Variants in ZNF317 observed in about 807,000 individuals in gnomAD.
ZNF317 encodes KRAB-containing zinc finger protein 317.
ZNF317 carries 17 observed loss-of-function variants against 23.4 expected under a neutral mutation model. The ratio of observed to expected loss-of-function variants is 0.73; its 90% confidence interval spans 0.50 to 1.09. ZNF317 has a LOEUF of 1.09. Among genes scored for constraint, ZNF317 ranks in the 50% least tolerant of loss-of-function variants. The pLI, the probability that ZNF317 is intolerant of heterozygous loss-of-function variation, is 0.00. For synonymous variants in ZNF317, 317 were observed against 314.9 expected, an observed-to-expected ratio of 1.01 and a Z score of -0.07; for missense variants, 679 against 796.7, an observed-to-expected ratio of 0.85 and a Z score of 1.78.
At position 9,156,754 on chromosome 19, in the gene ZNF317, C is replaced by G; in HGVS notation, c.162+6C>G. The stretch of plus-strand genomic sequence containing the variant: ...CACCCAGTGTTGGTTCCCAGGTGCA[C>G]TAAGATCTCTGGGTCCCTAGAGCAG... On this transcript the variant is annotated splice_donor_region_variant and intron_variant, in intron 3 of 6. Transcript: ENST00000247956. The G allele has an allele frequency of 1.9e-6, 3 of 1,613,090 alleles. No individual in the cohort carries two copies. The highest frequency in any genetic ancestry group is 2.5e-6 in the Non-Finnish European group (3 of 1,179,534).
In ZNF317 at chr19:9,161,304, C is replaced by T. The variant is rs144175390; in HGVS notation, c.1659C>T (p.Thr553=). Residue 553 remains threonine, a synonymous_variant, in exon 7 of 7, where the codon ACC becomes ACT. Coordinates refer to ENST00000247956, the MANE Select transcript of ZNF317 (RefSeq NM_020933.5). The surrounding 1 kb of genome is among the most constrained non-coding windows in gnomAD (Gnocchi z 4.0). ...SNLNVHRRIH[T]GEKPYECLVC... ...TGAATGTGCACAGGCGGATCCACAC[C>T]GGGGAGAAGCCCTACGAATGCCTTG... The T allele has an allele frequency of 6.9e-5, 112 of 1,613,266 alleles. 1 individual carries two copies. Among genetic ancestry groups the T allele is most frequent in the African/African-American group, 5.3e-4 (40 of 74,868 alleles).
chr19:9,159,545 G>GTTTT (rs374750547), intron 6 of ZNF317, among the ~76,000 whole-genome samples: 1 of 146,826 alleles, frequency 6.8e-6, no homozygotes, highest in African/African-American at 2.5e-5. Context: ...TGTTGTTTTT[G>GTTTT]TTTTTTGTTT....
At chr19:9,153,515 G>A (rs2050755116) in intron 1 of ZNF317, among the ~76,000 whole-genome samples, 1 of 152,158 alleles carries the variant, frequency 6.6e-6, no homozygotes, top group African/African-American at 2.4e-5. Context: ...TAGGCAAAGG[G>A]AATAAGATCT....
Position 9,160,101 on chromosome 19 carries a change from T to C in ZNF317, c.469-13T>C. The C allele has an allele frequency of 6.2e-7, 1 of 1,613,482 alleles. No individual in the cohort carries two copies. Among genetic ancestry groups the C allele is most frequent in the Admixed American group, 1.7e-5 (1 of 60,016 alleles). On this transcript the variant is annotated splice_polypyrimidine_tract_variant and intron_variant, in intron 6 of 6. Coordinates refer to ENST00000247956, the MANE Select transcript of ZNF317 (RefSeq NM_020933.5). This position sits in a 1 kb window ranked among gnomAD's most constrained non-coding sequence, Gnocchi z 6.8. ...AGAATTGCCTTTGTCAGCACTTACG[T>C]CTTAACCAACAGGAAAGAGCCGGTC... is the stretch of plus-strand genomic sequence containing the variant.
At chr19:9,149,522 T>C (rs2050718035) in intron 1 of ZNF317, among the ~76,000 whole-genome samples, 1 of 151,520 alleles carries the variant, frequency 6.6e-6, no homozygotes, top group Admixed American at 6.6e-5. Flanking sequence ...ACAGGTAAAG[T>C]TGAATAAAGA....
chr19:9,155,820 T>C, intron 1 of ZNF317, 105 bp from the exon 2 acceptor site: 1 of 633,600 alleles, frequency 1.6e-6, no homozygotes, highest in South Asian at 1.8e-5. Flanking sequence ...CAGATCTTGC[T>C]GCTCAAAAGA....
At chr19:9,144,909 A>C (rs1442944448) in intron 1 of ZNF317, among the ~76,000 whole-genome samples, 1 of 152,076 alleles carries the variant, frequency 6.6e-6, no homozygotes, top group Non-Finnish European at 1.5e-5. Context: ...TTTGGTGCTC[A>C]GAAAACACCT....
rs2145960942 is a variant in ZNF317 at position 9,160,020 on chromosome 19, T to G, written c.469-94T>G. 4 of 1,543,792 alleles carry G rather than the reference T, an allele frequency of 2.6e-6. No individual in the cohort carries two copies. The South Asian group carries it at 4.9e-5, about 19-fold the overall frequency. On this transcript the variant is annotated intron_variant, in intron 6 of 6. Coordinates refer to ENST00000247956, the MANE Select transcript of ZNF317 (RefSeq NM_020933.5). This position sits in a 1 kb window ranked among gnomAD's most constrained non-coding sequence, Gnocchi z 6.8. ...ACAGCTCTAGTCATAGTAATGTGCT[T>G]CTATCTGTTCATAGCAGTGTATGTG...
chr19:9,157,071 C>A, intron 3 of ZNF317, 197 bp from the exon 4 acceptor site: 1 of 680,252 alleles, frequency 1.5e-6, no homozygotes, highest in Non-Finnish European at 2.4e-6. Context: ...TCTGAAGTGA[C>A]GGCACAGGAC....
chr19:9,157,771 G>T, intron 4 of ZNF317: 1 of 1,314,142 alleles, frequency 7.6e-7, no homozygotes, highest in Non-Finnish European at 9.7e-7. Flanking sequence ...ACAGGCACGA[G>T]CCACCATGCT....
Position 9,160,258 on chromosome 19 carries a change from G to T in ZNF317, c.613G>T (p.Gly205Cys). ...CCGCGACTATGGGGTAGCGTTCAAG[G>T]GCAGGCCGCACCTCACTCAGCACAT... is the stretch of plus-strand genomic sequence containing the variant. ...HRRDYGVAFK[G>C]RPHLTQHMSM... The change falls in exon 7 of 7, where the codon GGC (glycine) becomes TGC (cysteine). Residue 205 changes from glycine to cysteine, a missense_variant. By Grantham distance (159) the Gly-to-Cys change is radical. Transcript: ENST00000247956. This position sits in a 1 kb window ranked among gnomAD's most constrained non-coding sequence, Gnocchi z 6.8. 1.2e-6 allele frequency: 2 copies of T among 1,614,144 alleles called. No individual in the cohort carries two copies. Among genetic ancestry groups the T allele is most frequent in the Non-Finnish European group, 1.7e-6 (2 of 1,180,028 alleles).
At chr19:9,141,338 G>A (rs548381883) in intron 1 of ZNF317, among the ~76,000 whole-genome samples, 1 of 152,192 alleles carries the variant, frequency 6.6e-6, no homozygotes, top group Admixed American at 6.5e-5. Flanking sequence ...TACAAACCAG[G>A]CCAAGAAAGA....
rs144386995 is a variant in ZNF317 at position 9,145,952 on chromosome 19, G to A, written c.-93+5360G>A. Among the ~76,000 whole-genome samples the A allele has an allele frequency of 1.3e-3, 205 of 152,048 alleles. 1 individual carries two copies. The highest frequency in any genetic ancestry group is 5.6e-3 in the South Asian group (27 of 4,812). ...AGTTACTTAAAGTGTTCCAGGGGAC[G>A]CTTATGCAGCAGACTATATTTAAGA... On this transcript the variant is annotated intron_variant, in intron 1 of 6. Transcript: ENST00000247956.
At chr19:9,158,363 C>CTTTTTCTTTTTTTT (rs1568314933) in intron 5 of ZNF317, among the ~76,000 whole-genome samples, 1 of 76,496 alleles carries the variant, frequency 1.3e-5, no homozygotes. Flanking sequence ...TTTCTTTTTT[C>CTTTTTCTTTTTTTT]TTTTTTTTTT....
chr19:9,140,651 A>G (rs919921610), intron 1 of ZNF317, 59 bp downstream of exon 1: 1 of 449,678 alleles, frequency 2.2e-6, no homozygotes, highest in Non-Finnish European at 4.5e-6. Flanking sequence ...CGGGAGGCCT[A>G]TCTGGCGGTG....
intron 1 of ZNF317, among the ~76,000 whole-genome samples, chr19:9,155,072 T>G (rs139209878): frequency 2.6e-5 from 4 of 152,328 alleles, no homozygotes; most frequent in Non-Finnish European, 4.4e-5. Context: ...TTTTATTTTT[T>G]CCAATAAGCC....
chr19:9,143,720 A>G (rs1600221328), intron 1 of ZNF317, among the ~76,000 whole-genome samples: 1 of 141,710 alleles, frequency 7.1e-6, no homozygotes, highest in Non-Finnish European at 1.5e-5. Context: ...GGCTTCATCC[A>G]TTTCTCCTTA....
At chr19:9,144,866 T>C (rs958408231) in intron 1 of ZNF317, among the ~76,000 whole-genome samples, 1 of 152,162 alleles carries the variant, frequency 6.6e-6, no homozygotes, top group African/African-American at 2.4e-5. Context: ...ATGTCTCTTT[T>C]CTGTGGGTTG....
intron 1 of ZNF317, among the ~76,000 whole-genome samples, chr19:9,150,248 T>C (rs771867187): frequency 1.1e-4 from 16 of 152,312 alleles, no homozygotes; most frequent in Non-Finnish European, 2.1e-4. Context: ...AATGAACAAT[T>C]CTGTTAAGTA....
Sources: gnomAD v4.1 joint callset for allele counts (sites outside exome capture counted in the v4.1 genomes callset) on GRCh38, gnomAD v4.1.1 for gene constraint, Gnocchi (gnomAD v3.1) non-coding constraint, MANE v1.5 for transcripts, NCBI Gene and HGNC (gene_info 2026-07-23, HGNC 2026-07-21) for gene names.